Variants in TRPV1 observed in about 807,000 individuals in gnomAD.
TRPV1 encodes transient receptor potential cation channel subfamily V member 1.
TRPV1 carries 82 observed loss-of-function variants against 82.3 expected under a neutral mutation model. That is an observed-to-expected ratio of 1.00 (90% CI 0.83 to 1.20). The LOEUF (loss-of-function observed/expected upper bound fraction) is 1.20, where lower values mean the gene tolerates loss of function less well. TRPV1 is among the 50% of genes most tolerant of loss of function. TRPV1 has a pLI of 0.00. For missense variants in TRPV1, 1,067 were observed against 1,096.8 expected (o/e 0.97, Z 0.38); for synonymous variants, 515 against 467.7 (o/e 1.10, Z -1.30).
At chr17:3,569,613 G>A (rs942051135) in intron 16 of TRPV1, among the ~76,000 whole-genome samples, 16 of 152,196 alleles carry the variant, frequency 1.1e-4, no homozygotes, top group Admixed American at 5.9e-4. Flanking sequence ...GCTGGGCAGC[G>A]GAAGCAGCTA....
At chr17:3,582,421 CA>C (rs1212169946) in intron 10 of TRPV1, among the ~76,000 whole-genome samples, 1 of 151,602 alleles carries the variant, frequency 6.6e-6, no homozygotes, top group African/African-American at 2.4e-5. Context: ...TCAAAAAAAA[CA>C]AAAACAAAAA....
chr17:3,594,888 G>T (rs1485387182), intron 2 of TRPV1, among the ~76,000 whole-genome samples: 2 of 152,166 alleles, frequency 1.3e-5, no homozygotes, highest in Non-Finnish European at 2.9e-5. Context: ...CTAGGGTCTG[G>T]AGACAGACAG....
intron 2 of TRPV1, chr17:3,592,675 C>G (rs901949184): frequency 2.6e-5 from 9 of 352,564 alleles, no homozygotes; most frequent in Non-Finnish European, 2.6e-5. Context: ...GGGTTAGACC[C>G]ATCCCTCCTC....
At chr17:3,569,732 G>A (rs2074821469) in intron 16 of TRPV1, among the ~76,000 whole-genome samples, 1 of 152,216 alleles carries the variant, frequency 6.6e-6, no homozygotes, top group South Asian at 2.1e-4. Context: ...TAAGAGCTGA[G>A]CTGTGCTAGC....
At chr17:3,574,777 G>A (rs535565229) in intron 13 of TRPV1, among the ~76,000 whole-genome samples, 37 of 151,716 alleles carry the variant, frequency 2.4e-4, no homozygotes, top group South Asian at 4.2e-4. Context: ...GGTGAAACCC[G>A]TCTCTACTAA....
chr17:3,594,154 AAGCAGCAGCAGCAGC>A (rs773915600), intron 2 of TRPV1, among the ~76,000 whole-genome samples: 19 of 95,444 alleles, frequency 2.0e-4, no homozygotes, highest in African/African-American at 8.6e-4. Context: ...AAAAAAAAAG[AAGCAGCAGCAGCAGC>A]AGCAGCAGCA....
intron 9 of TRPV1, among the ~76,000 whole-genome samples, chr17:3,584,417 T>TAA (rs1491126031): frequency 2.4e-5 from 1 of 40,908 alleles, no homozygotes; most frequent in African/African-American, 1.1e-4. Context: ...AAAAAAAAAA[T>TAA]AAAATAAAAA....
In TRPV1 at chr17:3,566,581, A is replaced by G; in HGVS notation, c.*234T>C. 2 of 474,534 alleles carry G rather than the reference A, an allele frequency of 4.2e-6. No homozygotes were observed. Among genetic ancestry groups the G allele is most frequent in the Non-Finnish European group, 3.7e-6 (1 of 270,336 alleles). 29.4% of individuals were successfully genotyped at this position (474,534 alleles called of 1,614,324 possible). A position where few individuals can be genotyped will look rare whatever the true frequency, so the allele number is the denominator to read the frequency against. The stretch of plus-strand genomic sequence containing the variant: ...CCAAACTGTTTAGTAAAGTGAGTAA[A>G]AACCTGAAAGTCTGTTAGGAGATTC... On this transcript the variant is annotated 3_prime_UTR_variant, in exon 17 of 17. Transcript: ENST00000572705.
chr17:3,572,827 A>G (rs1212520372), intron 14 of TRPV1, among the ~76,000 whole-genome samples: 1 of 152,108 alleles, frequency 6.6e-6, no homozygotes, highest in African/African-American at 2.4e-5. Flanking sequence ...TACTAAAAAT[A>G]CAAAAATTAG....
Position 3,573,560 on chromosome 17 carries a change from G to A in TRPV1, c.2103+73C>T, listed in dbSNP as rs1332514464. On this transcript the variant is annotated intron_variant, in intron 14 of 16. Transcript: ENST00000572705. ...CCCACCACCCACCCACCTGCAGCCA[G>A]CTGTGTAAGACAGCAGACAGAGCCG... 7.1e-5 allele frequency: 5 copies of A among 69,966 alleles called. No individual in the cohort carries two copies. The East Asian group carries it at 3.0e-3, about 42-fold the overall frequency. 4.3% of individuals were successfully genotyped at this position (69,966 alleles called of 1,614,324 possible).
Position 3,573,504 on chromosome 17 carries a change from G to A in TRPV1, c.2103+129C>T. 5.1e-6 allele frequency: 5 copies of A among 977,902 alleles called. No homozygotes were observed. In the South Asian group the frequency reaches 8.3e-5, roughly 16 times the overall value. 60.6% of individuals were successfully genotyped at this position (977,902 alleles called of 1,614,324 possible). On this transcript the variant is annotated intron_variant, in intron 14 of 16. Coordinates refer to ENST00000572705, the MANE Select transcript of TRPV1 (RefSeq NM_080704.4). ...CCAGCTGGGTAAGGCAGCGGATAGA[G>A]AGGCCCATACCCTCCTGGCCACACA...
In TRPV1 at chr17:3,585,676, T is replaced by C. The variant is rs2075074979; in HGVS notation, c.1383+92A>G. On this transcript the variant is annotated intron_variant, in intron 9 of 16. Coordinates refer to ENST00000572705, the MANE Select transcript of TRPV1 (RefSeq NM_080704.4). ...CTGGGAAGGAGTCCAGGGCAGAGCC[T>C]GGGCCTGGGGTCGGGGAGGTCTCCC... The C allele has an allele frequency of 3.4e-6, 5 of 1,470,026 alleles. No individual in the cohort carries two copies. The African/African-American group carries it at 4.2e-5, about 12-fold the overall frequency. 91.1% of individuals were successfully genotyped at this position (1,470,026 alleles called of 1,614,324 possible). A position where few individuals can be genotyped will look rare whatever the true frequency, so the allele number is the denominator to read the frequency against.
At chr17:3,599,057 T>C (rs1200678695) in intron 2 of TRPV1, among the ~76,000 whole-genome samples, 1 of 151,280 alleles carries the variant, frequency 6.6e-6, no homozygotes, top group Middle Eastern at 3.2e-3. Flanking sequence ...CTGACCAACA[T>C]GGTGAAACCC....
chr17:3,590,537 G>A, intron 5 of TRPV1, 145 bp from the exon 6 acceptor site: 1 of 1,282,660 alleles, frequency 7.8e-7, no homozygotes, highest in East Asian at 2.5e-5. Flanking sequence ...CACTGCAGGA[G>A]GCCAGGCCAG....
intron 13 of TRPV1, among the ~76,000 whole-genome samples, chr17:3,576,668 A>AAAAAAAAATATATATATATATAT: frequency 5.2e-5 from 2 of 38,388 alleles, no homozygotes; most frequent in Admixed American, 4.5e-4. Context: ...AAAAAAAAAA[A>AAAAAAAAATATATATATATATAT]ATATATATAT....
intron 3 of TRPV1, among the ~76,000 whole-genome samples, 178 bp downstream of exon 3, chr17:3,591,889 G>A (rs1382102592): frequency 1.3e-5 from 2 of 152,192 alleles, no homozygotes; most frequent in African/African-American, 4.8e-5. Flanking sequence ...ACAGACACCA[G>A]CCCCCGTGAC....
intron 11 of TRPV1, among the ~76,000 whole-genome samples, chr17:3,579,843 G>A (rs1283262544): frequency 6.6e-6 from 1 of 152,144 alleles, no homozygotes; most frequent in African/African-American, 2.4e-5. Context: ...TCTCAACCGG[G>A]AGTGATTCCG....
intron 13 of TRPV1, among the ~76,000 whole-genome samples, chr17:3,575,720 T>C (rs1460714436): frequency 2.0e-5 from 3 of 152,082 alleles, no homozygotes; most frequent in Non-Finnish European, 2.9e-5. Context: ...TCACCAGAAG[T>C]GAGACGGACA....
At chr17:3,571,705 C>T in intron 15 of TRPV1, 66 bp from the exon 16 acceptor site, 4 of 1,359,906 alleles carry the variant, frequency 2.9e-6, no homozygotes, top group Non-Finnish European at 4.1e-6. Flanking sequence ...GGGCTCTGCC[C>T]ACAGGCCAAG....
Sources: allele counts gnomAD v4.1 joint callset (sites outside exome capture counted in the v4.1 genomes callset), GRCh38; gene constraint gnomAD v4.1.1; transcripts MANE v1.5; gene names NCBI Gene and HGNC (gene_info 2026-07-23, HGNC 2026-07-21).